SKAP1: variants seen among roughly 807,000 people sequenced by gnomAD.
SKAP1 encodes src kinase associated phosphoprotein 1, also known as src kinase-associated phosphoprotein 1.
Under a neutral mutation model 58.5 loss-of-function variants are expected in SKAP1, and 44 were observed. The ratio of observed to expected loss-of-function variants is 0.75; its 90% CI spans 0.59 to 0.97. The LOEUF is 0.97. Among genes scored for constraint, SKAP1 ranks in the 50% least tolerant of loss-of-function variants. The probability of loss-of-function intolerance (pLI) is 0.00; values close to 1 mark genes in which losing one functional copy is unlikely to be tolerated. For missense variants in SKAP1, 390 were observed against 435.2 expected (o/e 0.90, Z 0.92); for synonymous variants, 127 against 149.7 (o/e 0.85, Z 1.11).
intron 10 of SKAP1, among the ~76,000 whole-genome samples, chr17:48,168,921 A>C (rs1290218677): frequency 6.6e-6 from 1 of 152,250 alleles, no homozygotes; most frequent in Non-Finnish European, 1.5e-5. Flanking sequence ...ATCGATAAAT[A>C]AGTAAACACA....
intron 1 of SKAP1, among the ~76,000 whole-genome samples, chr17:48,417,510 C>T (rs1298696877): frequency 2.0e-5 from 3 of 151,966 alleles, no homozygotes; most frequent in Admixed American, 6.6e-5. Context: ...TTTGGGAAGC[C>T]GAGGCAGGAG....
At chr17:48,343,149 C>T (rs2066679229) in intron 4 of SKAP1, among the ~76,000 whole-genome samples, 1 of 152,068 alleles carries the variant, frequency 6.6e-6, no homozygotes, top group Admixed American at 6.5e-5. Context: ...TATCTGCTTT[C>T]TCACTGCATT....
intron 4 of SKAP1, among the ~76,000 whole-genome samples, chr17:48,265,198 G>A (rs1338917738): frequency 6.6e-6 from 1 of 152,064 alleles, no homozygotes; most frequent in Non-Finnish European, 1.5e-5. Flanking sequence ...CTAAATCTGG[G>A]AATTTTTAAT....
intron 4 of SKAP1, among the ~76,000 whole-genome samples, chr17:48,278,441 G>GAATATAATT (rs1363232579): frequency 1.3e-5 from 2 of 152,100 alleles, no homozygotes; most frequent in Non-Finnish European, 2.9e-5. Context: ...AATTATAATA[G>GAATATAATT]AATATAATTC....
chr17:48,374,355 T>C (rs886403922), intron 2 of SKAP1, among the ~76,000 whole-genome samples: 2 of 152,112 alleles, frequency 1.3e-5, no homozygotes, highest in Non-Finnish European at 2.9e-5. Context: ...TTCCTTTTTG[T>C]ACTAAAACAG....
chr17:48,173,186 T>TC (rs1555597516), intron 9 of SKAP1, among the ~76,000 whole-genome samples: 1 of 144,582 alleles, frequency 6.9e-6, no homozygotes, highest in Non-Finnish European at 1.5e-5. Flanking sequence ...ACCTTGTCTC[T>TC]AAAAAAAAAA....
chr17:48,189,567 T>G (rs1272499942), intron 4 of SKAP1, 67 bp from the exon 5 acceptor site: 2 of 1,137,340 alleles, frequency 1.8e-6, no homozygotes, highest in African/African-American at 3.1e-5. Flanking sequence ...TAGGCTACTT[T>G]AGGTAATTCA....
intron 4 of SKAP1, among the ~76,000 whole-genome samples, chr17:48,209,685 G>A (rs2064848950): frequency 6.6e-6 from 1 of 152,176 alleles, no homozygotes; most frequent in African/African-American, 2.4e-5. Context: ...CTTCTCTAGA[G>A]GTAAGAGAAA....
At chr17:48,353,897 C>CAAAAA (rs200738005) in intron 3 of SKAP1, among the ~76,000 whole-genome samples, 2 of 60,570 alleles carry the variant, frequency 3.3e-5, no homozygotes, top group Non-Finnish European at 3.2e-5. Context: ...GACTCTGTCT[C>CAAAAA]AAAAAAAAAA....
intron 4 of SKAP1, among the ~76,000 whole-genome samples, chr17:48,215,376 T>A (rs748737196): frequency 1.1e-4 from 16 of 152,234 alleles, no homozygotes; most frequent in Non-Finnish European, 1.9e-4. Flanking sequence ...CATAGCCTTG[T>A]GATTTGGCTT....
At chr17:48,270,708 A>G (rs1404729435) in intron 4 of SKAP1, among the ~76,000 whole-genome samples, 1 of 152,014 alleles carries the variant, frequency 6.6e-6, no homozygotes, top group Non-Finnish European at 1.5e-5. Flanking sequence ...GCTGTTTTGT[A>G]GCATGCTTTT....
At chr17:48,407,848 T>G (rs1242452054) in intron 1 of SKAP1, among the ~76,000 whole-genome samples, 1 of 136,326 alleles carries the variant, frequency 7.3e-6, no homozygotes, top group South Asian at 2.2e-4. Context: ...AGTGAGACTT[T>G]GTCTCCAAAA....
intron 4 of SKAP1, among the ~76,000 whole-genome samples, chr17:48,322,223 CA>C (rs2066376683): frequency 6.6e-6 from 1 of 152,226 alleles, no homozygotes; most frequent in Non-Finnish European, 1.5e-5. Flanking sequence ...ATTACTTTTG[CA>C]CATAAATCTA....
Position 48,184,754 on chromosome 17 carries a change from T to G in SKAP1, c.536A>C (p.Glu179Ala). The change falls in exon 7 of 13, where the codon GAA (glutamate) becomes GCA (alanine). Residue 179 changes from glutamate to alanine, a missense_variant. Coordinates refer to ENST00000336915, the MANE Select transcript of SKAP1 (RefSeq NM_003726.4). ...RRDSKKESCFELTSQDRRSYE... is the reference protein window; with the variant it reads ...RRDSKKESCFALTSQDRRSYE... ...GCTGCGCCTATCCTGGGAGGTCAGT[T>G]CAAAGCAGGATTCTTTCTTGGAATC... 1 of 1,614,036 alleles carries G rather than the reference T, an allele frequency of 6.2e-7. No individual in the cohort carries two copies. Among genetic ancestry groups the G allele is most frequent in the Non-Finnish European group, 8.5e-7 (1 of 1,179,956 alleles).
intron 11 of SKAP1, among the ~76,000 whole-genome samples, chr17:48,146,379 G>A (rs1158425539): frequency 6.6e-6 from 1 of 151,732 alleles, no homozygotes; most frequent in Admixed American, 6.6e-5. Context: ...TGTAATCCCG[G>A]CTACTCGGGA....
chr17:48,254,112 C>T (rs1292222794), intron 4 of SKAP1, among the ~76,000 whole-genome samples: 1 of 152,104 alleles, frequency 6.6e-6, no homozygotes, highest in Non-Finnish European at 1.5e-5. Context: ...TACTACGTGT[C>T]CCTGGATAAA....
At chr17:48,298,209 A>T (rs1317967669) in intron 4 of SKAP1, among the ~76,000 whole-genome samples, 1 of 152,234 alleles carries the variant, frequency 6.6e-6, no homozygotes, top group African/African-American at 2.4e-5. Flanking sequence ...TTGGTCATCT[A>T]AAGTTTCCGG....
chr17:48,226,520 C>G (rs1258269585), intron 4 of SKAP1, among the ~76,000 whole-genome samples: 1 of 152,098 alleles, frequency 6.6e-6, no homozygotes, highest in Non-Finnish European at 1.5e-5. Context: ...TCTAAGTCTA[C>G]TTTAACTACA....
At chr17:48,269,374 A>G (rs2065597841) in intron 4 of SKAP1, among the ~76,000 whole-genome samples, 1 of 152,168 alleles carries the variant, frequency 6.6e-6, no homozygotes, top group Non-Finnish European at 1.5e-5. Context: ...AGAGATCTAT[A>G]CTAGTCCACT....
Sources: gnomAD v4.1 joint callset for allele counts (sites outside exome capture counted in the v4.1 genomes callset) on GRCh38, gnomAD v4.1.1 for gene constraint, MANE v1.5 for transcripts, NCBI Gene and HGNC (gene_info 2026-07-23, HGNC 2026-07-21) for gene names.